The following ARHGAP10 variants were observed in gnomAD, a reference collection of about 807,000 sequenced individuals.
ARHGAP10 encodes the protein rho GTPase-activating protein 10.
A neutral mutation model predicts 108.6 loss-of-function variants in ARHGAP10; 87 were observed. That is an observed-to-expected ratio of 0.80 (90% confidence interval 0.67 to 0.96). The LOEUF (loss-of-function observed/expected upper bound fraction) is 0.96, where lower values mean the gene tolerates loss of function less well. ARHGAP10 is among the 40% of genes least tolerant of loss of function. The pLI, the probability that ARHGAP10 is intolerant of heterozygous loss-of-function variation, is 0.00. For synonymous variants in ARHGAP10, 347 were observed against 341.1 expected (o/e 1.02, Z -0.19); for missense variants, 939 against 954.5 (o/e 0.98, Z 0.21).
intron 13 of ARHGAP10, among the ~76,000 whole-genome samples, chr4:147,924,836 C>CT (rs1381868789): frequency 1.3e-5 from 2 of 152,112 alleles, no homozygotes; most frequent in African/African-American, 4.8e-5. Flanking sequence ...AAAGAGAATG[C>CT]TTAGGACATT....
chr4:147,926,059 G>A (rs1737449233), intron 13 of ARHGAP10, among the ~76,000 whole-genome samples: 1 of 152,186 alleles, frequency 6.6e-6, no homozygotes, highest in Admixed American at 6.5e-5. Context: ...ACCATGCTGG[G>A]GTGGTGTTGG....
At chr4:147,733,536 C>T (rs1230830120) in intron 1 of ARHGAP10, among the ~76,000 whole-genome samples, 1 of 152,160 alleles carries the variant, frequency 6.6e-6, no homozygotes, top group Non-Finnish European at 1.5e-5. Flanking sequence ...CAGTAATTCT[C>T]AGCCTTAGGT....
chr4:147,859,100 C>T (rs891291927), intron 5 of ARHGAP10, among the ~76,000 whole-genome samples: 3 of 152,118 alleles, frequency 2.0e-5, no homozygotes, highest in South Asian at 2.1e-4. Context: ...TACTCAGGGC[C>T]GTTGTATTTG....
At chr4:147,892,912 G>A (rs1735842104) in intron 10 of ARHGAP10, among the ~76,000 whole-genome samples, 1 of 152,188 alleles carries the variant, frequency 6.6e-6, no homozygotes, top group Non-Finnish European at 1.5e-5. Context: ...CAGCTGTGCT[G>A]CTGAACACCC....
At chr4:147,877,938 T>A (rs1288424893) in intron 8 of ARHGAP10, among the ~76,000 whole-genome samples, 1 of 151,146 alleles carries the variant, frequency 6.6e-6, no homozygotes, top group African/African-American at 2.4e-5. Context: ...ACAATACCAA[T>A]GTTATTTTAT....
chr4:147,785,083 TAAA>T (rs368685839), intron 1 of ARHGAP10, among the ~76,000 whole-genome samples: 4 of 118,802 alleles, frequency 3.4e-5, no homozygotes, highest in Non-Finnish European at 6.7e-5. Context: ...GACTATTTTC[TAAA>T]AAAAAAAAAA....
chr4:147,985,267 C>T (rs182276051), intron 18 of ARHGAP10, among the ~76,000 whole-genome samples: 8 of 152,096 alleles, frequency 5.3e-5, no homozygotes, highest in Non-Finnish European at 7.4e-5. Context: ...CACTGTACCA[C>T]GGTCTCTGCA....
At chr4:147,884,731 AG>A (rs1294427218) in intron 10 of ARHGAP10, among the ~76,000 whole-genome samples, 1 of 152,200 alleles carries the variant, frequency 6.6e-6, no homozygotes, top group Non-Finnish European at 1.5e-5. Context: ...TCACATGTGG[AG>A]GCCTGGAGAC....
chr4:147,978,061 A>G (rs929799150), intron 18 of ARHGAP10, among the ~76,000 whole-genome samples: 7 of 152,090 alleles, frequency 4.6e-5, no homozygotes, highest in Non-Finnish European at 1.0e-4. Flanking sequence ...TATCCACTCC[A>G]CTATTGATGG....
At chr4:147,938,901 G>A (rs1738057733) in intron 13 of ARHGAP10, among the ~76,000 whole-genome samples, 1 of 152,150 alleles carries the variant, frequency 6.6e-6, no homozygotes, top group Non-Finnish European at 1.5e-5. Context: ...AAATTTTCAA[G>A]CATAAAAAAG....
chr4:147,846,513 C>T (rs1355546037), intron 3 of ARHGAP10, among the ~76,000 whole-genome samples: 8 of 152,076 alleles, frequency 5.3e-5, no homozygotes, highest in Admixed American at 5.2e-4. Context: ...ACATGAAAAT[C>T]CCCAAACCAG....
intron 1 of ARHGAP10, among the ~76,000 whole-genome samples, chr4:147,820,890 A>G (rs150704545): frequency 2.6e-5 from 4 of 152,204 alleles, no homozygotes; most frequent in East Asian, 1.9e-4. Context: ...CACACTGGCC[A>G]TATTTTACAT....
chr4:147,860,247 C>A (rs1734259396), intron 5 of ARHGAP10, among the ~76,000 whole-genome samples: 1 of 152,164 alleles, frequency 6.6e-6, no homozygotes, highest in Non-Finnish European at 1.5e-5. Flanking sequence ...TCCAGACCAT[C>A]CTGGCTAACA....
At chr4:147,865,231 C>T in intron 6 of ARHGAP10, 1 of 286,154 alleles carries the variant, frequency 3.5e-6, no homozygotes, top group Non-Finnish European at 6.5e-6. Context: ...GCCACCTTAG[C>T]CTATAGCTCT....
At chr4:147,868,091 A>C (rs1734642315) in intron 7 of ARHGAP10, among the ~76,000 whole-genome samples, 1 of 152,136 alleles carries the variant, frequency 6.6e-6, no homozygotes, top group African/African-American at 2.4e-5. Flanking sequence ...GTGGTCTCAC[A>C]ATTTGTGAAA....
intron 19 of ARHGAP10, among the ~76,000 whole-genome samples, chr4:148,036,425 G>C (rs77923277): frequency 1.3e-5 from 2 of 152,178 alleles, no homozygotes; most frequent in Non-Finnish European, 2.9e-5. Flanking sequence ...GACCCAGTGG[G>C]AGGTAGTTGA....
chr4:147,883,070 A>G (rs1735395466), intron 10 of ARHGAP10, among the ~76,000 whole-genome samples: 1 of 152,220 alleles, frequency 6.6e-6, no homozygotes, highest in Non-Finnish European at 1.5e-5. Flanking sequence ...GGAGTAGTGC[A>G]GAGAGGAAGG....
At chr4:147,989,164 G>A (rs985145795) in intron 18 of ARHGAP10, among the ~76,000 whole-genome samples, 4 of 152,244 alleles carry the variant, frequency 2.6e-5, no homozygotes, top group Non-Finnish European at 5.9e-5. Flanking sequence ...AAACCAGCAA[G>A]TTTTTATTAG....
intron 20 of ARHGAP10, among the ~76,000 whole-genome samples, chr4:148,055,066 C>T (rs576020007): frequency 6.6e-6 from 1 of 152,318 alleles, no homozygotes; most frequent in Non-Finnish European, 1.5e-5. Flanking sequence ...AGCCCTCTTA[C>T]CTGATTCCAC....
Sources: gnomAD v4.1 joint callset for allele counts (sites outside exome capture counted in the v4.1 genomes callset) on GRCh38, gnomAD v4.1.1 for gene constraint, MANE v1.5 for transcripts, NCBI Gene and HGNC (gene_info 2026-07-23, HGNC 2026-07-21) for gene names.